The following ESYT1 variants were observed in gnomAD, a reference collection of about 807,000 sequenced individuals.
ESYT1 encodes extended synaptotagmin 1.
ESYT1 carries 116 observed loss-of-function variants against 154.2 expected under a neutral mutation model. That is an observed-to-expected ratio of 0.75 (90% CI 0.65 to 0.88). The LOEUF is 0.88. ESYT1 is among the 40% of genes least tolerant of loss of function. The pLI is 0.00. For synonymous variants in ESYT1, 500 were observed against 539.9 expected, an observed-to-expected ratio of 0.93 and a Z score of 1.02; for missense variants, 1,264 against 1,379.3, an observed-to-expected ratio of 0.92 and a Z score of 1.32.
rs974445488 is a variant in ESYT1, at chr12:56,135,175, A to AT, written c.1632+759dup. ...CTCAATAAAATTGCTAACATTCAGCATTTTTTTTTTTTGAGACAGTTTCGC... is the reference window on the plus strand; with the variant it reads ...CTCAATAAAATTGCTAACATTCAGCATTTTTTTTTTTTTGAGACAGTTTCGC... On this transcript the variant is annotated intron_variant, in intron 15 of 30. Coordinates refer to ENST00000394048, the MANE Select transcript of ESYT1 (RefSeq NM_015292.3). Among the ~76,000 whole-genome samples, 851 of 143,940 alleles carry AT rather than the reference A, an allele frequency of 5.9e-3. 5 individuals carry two copies. The highest frequency in any genetic ancestry group is 0.014 in the African/African-American group (564 of 39,420). 94.4% of individuals were successfully genotyped at this position (143,940 alleles called of 152,430 possible).
At chr12:56,132,052 G>C (rs1197589152) in intron 7 of ESYT1, among the ~76,000 whole-genome samples, 157 bp from the exon 8 acceptor site, 1 of 152,204 alleles carries the variant, frequency 6.6e-6, no homozygotes, top group Non-Finnish European at 1.5e-5. Flanking sequence ...GGAGAGAGCA[G>C]TAGGTGGGGA....
Position 56,130,791 on chromosome 12 carries a change from A to G in ESYT1, c.433A>G (p.Ile145Val). The G allele has an allele frequency of 1.9e-6, 3 of 1,613,756 alleles. No homozygotes were observed. Among genetic ancestry groups the G allele is most frequent in the Non-Finnish European group, 2.5e-6 (3 of 1,179,998 alleles). Residue 145 changes from isoleucine (I) to valine (V), a missense_variant and splice_region_variant, in exon 3 of 31, where the codon ATT becomes GTT. Coordinates refer to ENST00000394048, the MANE Select transcript of ESYT1 (RefSeq NM_015292.3). ...TCTGACCATCTCTCTTTCCTCCCAG[A>G]TTGTGGCCCAGGTCTGGCCCTTCCT... ...DVEKAEWLNK[I>V]VAQVWPFLGQ...
Position 56,133,667 on chromosome 12 carries a change from T to A in ESYT1, c.1373T>A (p.Leu458Gln). 6.2e-7 allele frequency: 1 copy of A among 1,614,194 alleles called. No individual in the cohort carries two copies. The change falls in exon 12 of 31, where the codon CTG becomes CAG. Residue 458 changes from leucine to glutamine, a missense_variant. Transcript: ENST00000394048. ...WLSLLSDAEKLEQVLQWNWGV... is the reference protein window; with the variant it reads ...WLSLLSDAEKQEQVLQWNWGV... The stretch of plus-strand genomic sequence containing the variant: ...TCACTTTTGTCAGATGCAGAGAAAC[T>A]GGAGCAGGTAAGCCACATGGGAAAT...
chr12:56,128,496 G>A lies in ESYT1; in HGVS notation c.177G>A (p.Gly59=), dbSNP rs1229753546. ...CCCTGGCGGTGCTGACTTCATTCGGGAGGCGGTTGCTGGTGCTGATACCTG... is the reference window on the plus strand; with the variant it reads ...CCCTGGCGGTGCTGACTTCATTCGGAAGGCGGTTGCTGGTGCTGATACCTG... ...GEALAVLTSF[G]RRLLVLIPVY... The change falls in exon 1 of 31, where the codon GGG becomes GGA. Residue 59 remains glycine (G), a synonymous_variant. Coordinates refer to ENST00000394048, the MANE Select transcript of ESYT1 (RefSeq NM_015292.3). 1 of 1,611,614 alleles carries A rather than the reference G, an allele frequency of 6.2e-7. No individual in the cohort carries two copies. The highest frequency in any genetic ancestry group is 8.5e-7 in the Non-Finnish European group (1 of 1,178,866).
Position 56,137,361 on chromosome 12 carries a change from G to GT in ESYT1, c.1929dup (p.Gly644TrpfsTer3). On this transcript the variant is annotated frameshift_variant, in exon 17 of 31. Coordinates refer to ENST00000394048, the MANE Select transcript of ESYT1 (RefSeq NM_015292.3). LOFTEE classifies it high-confidence loss of function. ...CCTGTCACACGACTCCTGATAGCCA[G>GT]TTTGGGACTGAGGTGAGTCTATATC... 1 of 1,614,230 alleles carries GT rather than the reference G, an allele frequency of 6.2e-7. No individual in the cohort carries two copies. Among genetic ancestry groups the GT allele is most frequent in the East Asian group, 2.2e-5 (1 of 44,894 alleles).
At position 56,131,098 on chromosome 12, in the gene ESYT1, T is replaced by G; in HGVS notation, c.626T>G (p.Leu209Arg). Residue 209 changes from leucine (L) to arginine (R), a missense_variant, in exon 4 of 31, where the codon CTG becomes CGG. Leu to Arg is a moderately radical substitution (Grantham distance 102). Coordinates refer to ENST00000394048, the MANE Select transcript of ESYT1 (RefSeq NM_015292.3). ...GGTCAGAGAAAAGAGCAGATCCTGC[T>G]GGACTTGAACATCAGGTAATACCAC... ...HPGQRKEQIL[L>R]DLNISYVGDV... The G allele has an allele frequency of 1.2e-6, 2 of 1,614,200 alleles. No individual in the cohort carries two copies.
intron 20 of ESYT1, 34 bp from the exon 21 acceptor site, chr12:56,138,149 T>C: frequency 6.2e-7 from 1 of 1,613,868 alleles, no homozygotes; most frequent in Non-Finnish European, 8.5e-7. Flanking sequence ...CCTGTCTGCA[T>C]ATCCCCAAGT....
Position 56,134,176 on chromosome 12 carries a change from A to G in ESYT1, c.1540A>G (p.Ser514Gly). Residue 514 changes from serine to glycine, a missense_variant, in exon 14 of 31, where the codon AGC becomes GGC. Physicochemically the swap from Ser to Gly is moderately conservative, Grantham distance 56 (BLOSUM62 0). Transcript: ENST00000394048. Reference sequence around the variant, plus strand: ...GTCAATTCAGGATGTGACTCAGGAGAGCAAGGTGAGGGCCAGGACATCATT... The same window carrying G: ...GTCAATTCAGGATGTGACTCAGGAGGGCAAGGTGAGGGCCAGGACATCATT... ...QLSIQDVTQE[S>G]KAVYSTNCPV... 3 of 1,614,136 alleles carry G rather than the reference A, an allele frequency of 1.9e-6. No homozygotes were observed. Among genetic ancestry groups the G allele is most frequent in the Non-Finnish European group, 2.5e-6 (3 of 1,180,004 alleles).
chr12:56,137,523 G>C lies in ESYT1; in HGVS notation c.1963G>C (p.Glu655Gln). 1 of 1,613,792 alleles carries C rather than the reference G, an allele frequency of 6.2e-7. No individual in the cohort carries two copies. Among genetic ancestry groups the C allele is most frequent in the Non-Finnish European group, 8.5e-7 (1 of 1,179,850 alleles). The change falls in exon 18 of 31, where the codon GAG becomes CAG. Residue 655 changes from glutamate (E) to glutamine (Q), a missense_variant. Transcript: ENST00000394048. ...GCATGTGCTTCGGATCCATGTATTA[G>C]AGGCCCAGGACCTGATTGCCAAAGA... ...TEHVLRIHVL[E>Q]AQDLIAKDRF...
At chr12:56,128,894 T>A (rs1436584392) in intron 1 of ESYT1, 185 bp downstream of exon 1, 3 of 663,638 alleles carry the variant, frequency 4.5e-6, no homozygotes, top group Non-Finnish European at 7.6e-6. Flanking sequence ...CTGCTCACTC[T>A]CCCCACCCAC....
At chr12:56,141,584 C>CA (rs1176954978) in intron 24 of ESYT1, among the ~76,000 whole-genome samples, 5 of 152,014 alleles carry the variant, frequency 3.3e-5, no homozygotes, top group Admixed American at 1.3e-4. Flanking sequence ...ATTAAAAATA[C>CA]AAAAAATTAG....
Position 56,128,622 on chromosome 12 carries a change from C to A in ESYT1, c.303C>A (p.Ser101Arg), listed in dbSNP as rs1397467215. 3.7e-6 allele frequency: 6 copies of A among 1,614,190 alleles called. No individual in the cohort carries two copies. The highest frequency in any genetic ancestry group is 1.7e-6 in the Non-Finnish European group (2 of 1,180,022). ...WRRVRDEKER[S>R]LRAARQLLDD... ...GGGTCCGCGACGAGAAAGAACGGAG[C>A]CTTCGAGCAGCGAGGCAGCTACTGG... is the stretch of plus-strand genomic sequence containing the variant. The change falls in exon 1 of 31, where the codon AGC (serine) becomes AGA (arginine). Residue 101 changes from serine to arginine, a missense_variant. Physicochemically the swap from Ser to Arg is moderately radical, Grantham distance 110. Transcript: ENST00000394048.
At chr12:56,138,599 C>T (rs1009511626) in intron 22 of ESYT1, 100 bp downstream of exon 22, 2 of 1,350,008 alleles carry the variant, frequency 1.5e-6, no homozygotes, top group African/African-American at 2.9e-5. Context: ...AAAATGGCCC[C>T]TCTCTTTCTG....
chr12:56,144,326 T>G lies in ESYT1; in HGVS notation c.*464T>G. ...GCTGTGAGCCTCTTAGACTACTGCATGTAGCAAATGTTCAGCAGCTCAGGC... is the reference window on the plus strand; with the variant it reads ...GCTGTGAGCCTCTTAGACTACTGCAGGTAGCAAATGTTCAGCAGCTCAGGC... On this transcript the variant is annotated 3_prime_UTR_variant, in exon 31 of 31. Transcript: ENST00000394048. The G allele has an allele frequency of 9.8e-7, 1 of 1,018,242 alleles. No individual in the cohort carries two copies. The highest frequency in any genetic ancestry group is 3.9e-5 in the South Asian group (1 of 25,566). 63.1% of individuals were successfully genotyped at this position (1,018,242 alleles called of 1,614,324 possible).
At position 56,142,854 on chromosome 12, in the gene ESYT1, G is replaced by A. The variant is rs375779951; in HGVS notation, c.2908G>A (p.Gly970Arg). The A allele has an allele frequency of 5.8e-5, 94 of 1,614,052 alleles. No homozygotes were observed. The highest frequency in any genetic ancestry group is 3.7e-4 in the Admixed American group (22 of 60,006). Residue 970 changes from glycine to arginine, a missense_variant, in exon 27 of 31, where the codon GGG becomes AGG. Transcript: ENST00000394048. This position sits in a 1 kb window ranked among gnomAD's most constrained non-coding sequence, Gnocchi z 4.1. Reference sequence around the variant, plus strand: ...CCACAGTCCCCTTGAGGCTCCAGCCGGGCCTCTGGGCCAGGTGAAACTGAC... The same window carrying A: ...CCACAGTCCCCTTGAGGCTCCAGCCAGGCCTCTGGGCCAGGTGAAACTGAC... ...HVDSPLEAPA[G>R]PLGQVKLTLW...
intron 15 of ESYT1, among the ~76,000 whole-genome samples, chr12:56,134,697 C>G (rs1870379827): frequency 1.3e-5 from 2 of 151,904 alleles, no homozygotes; most frequent in Non-Finnish European, 2.9e-5. Flanking sequence ...CACCTGGGTT[C>G]AAGCAATTCT....
chr12:56,142,646 G>C lies in ESYT1; in HGVS notation c.2802G>C (p.Leu934=), dbSNP rs562525692. ...GCTACAGCCACAGCTCCTCATCGCTGAGTGAAGAACCAGAGCTCTCGGGGG... is the reference window on the plus strand; with the variant it reads ...GCTACAGCCACAGCTCCTCATCGCTCAGTGAAGAACCAGAGCTCTCGGGGG... ...SHSYSHSSSS[L]SEEPELSGGP... is the part of the protein sequence containing the mutation. Residue 934 remains leucine, a synonymous_variant, in exon 26 of 31, where the codon CTG becomes CTC. Coordinates refer to ENST00000394048, the MANE Select transcript of ESYT1 (RefSeq NM_015292.3). The surrounding 1 kb of genome is among the most constrained non-coding windows in gnomAD (Gnocchi z 4.1). The C allele has an allele frequency of 1.2e-6, 2 of 1,614,014 alleles. No homozygotes were observed. The highest frequency in any genetic ancestry group is 2.7e-5 in the African/African-American group (2 of 74,942).
intron 24 of ESYT1, among the ~76,000 whole-genome samples, chr12:56,141,399 C>A (rs972269977): frequency 6.6e-6 from 1 of 152,174 alleles, no homozygotes; most frequent in Non-Finnish European, 1.5e-5. Context: ...ACTTTTAGTT[C>A]TGTTTTTACT....
In ESYT1 at chr12:56,131,558, C is replaced by T. The variant is rs764082685; in HGVS notation, c.796C>T (p.Arg266Ter). ...FVGAVSMFFI[R>*]RPTLDINWTG... ...GGGGGCTGTGTCAATGTTCTTCATCCGACGCCCGGTAAGGGAAAACAATGA... is the reference window on the plus strand; with the variant it reads ...GGGGGCTGTGTCAATGTTCTTCATCTGACGCCCGGTAAGGGAAAACAATGA... Residue 266 changes from arginine (R) to a stop codon, truncating the protein, a stop_gained, in exon 6 of 31, where the codon CGA becomes TGA. Coordinates refer to ENST00000394048, the MANE Select transcript of ESYT1 (RefSeq NM_015292.3). LOFTEE classifies it high-confidence loss of function. 38 of 1,613,788 alleles carry T rather than the reference C, an allele frequency of 2.4e-5. No homozygotes were observed. The highest frequency in any genetic ancestry group is 2.8e-5 in the Non-Finnish European group (33 of 1,180,010).
Sources: allele counts gnomAD v4.1 joint callset (sites outside exome capture counted in the v4.1 genomes callset), GRCh38; gene constraint gnomAD v4.1.1; non-coding constraint Gnocchi (gnomAD v3.1); transcripts MANE v1.5; gene names NCBI Gene and HGNC (gene_info 2026-07-23, HGNC 2026-07-21).